Variants in SH3PXD2A observed in about 807,000 individuals in gnomAD.
SH3PXD2A encodes SH3 and PX domain-containing protein 2A.
A neutral mutation model predicts 115.2 loss-of-function variants in SH3PXD2A; 32 were observed. The observed-to-expected ratio is 0.28, with a 90% CI of 0.21 to 0.37. The LOEUF is 0.37. SH3PXD2A is among the 10% of genes least tolerant of loss of function. The pLI, the probability that SH3PXD2A is intolerant of heterozygous loss-of-function variation, is 1.00. For missense variants in SH3PXD2A, 1,328 were observed against 1,498.7 expected (o/e 0.89, Z 1.88); for synonymous variants, 610 against 629.1 (o/e 0.97, Z 0.45).
rs1022018904 is a variant in SH3PXD2A at position 103,597,233 on chromosome 10, C to G, written c.*4583G>C. On this transcript the variant is annotated 3_prime_UTR_variant, in exon 15 of 15. Transcript: ENST00000369774. ...GCTGCAGGCTTGTGGGAATTGGTGTCTCACCAGGGTGTGCGCGGCTCAAGG... is the reference window on the plus strand; with the variant it reads ...GCTGCAGGCTTGTGGGAATTGGTGTGTCACCAGGGTGTGCGCGGCTCAAGG... 6.6e-6 allele frequency: 1 copy of G among 152,664 alleles called. No individual in the cohort carries two copies. Among genetic ancestry groups the G allele is most frequent in the Non-Finnish European group, 1.5e-5 (1 of 68,070 alleles). The allele number at this position is 152,664 out of a possible 1,614,324, so 9.5% of individuals were successfully genotyped here.
At chr10:103,706,417 G>T (rs1214112058) in intron 5 of SH3PXD2A, among the ~76,000 whole-genome samples, 1 of 152,170 alleles carries the variant, frequency 6.6e-6, no homozygotes, top group Non-Finnish European at 1.5e-5. Context: ...GCTGTCCTGG[G>T]CCCCAGCTCC....
At chr10:103,710,605 A>G (rs942760909) in intron 5 of SH3PXD2A, among the ~76,000 whole-genome samples, 1 of 152,168 alleles carries the variant, frequency 6.6e-6, no homozygotes, top group Non-Finnish European at 1.5e-5. Context: ...GATATGGTAG[A>G]TGCCTGGCAG....
At chr10:103,718,348 T>G (rs984356763) in intron 5 of SH3PXD2A, among the ~76,000 whole-genome samples, 6 of 152,150 alleles carry the variant, frequency 3.9e-5, no homozygotes, top group Non-Finnish European at 8.8e-5. Context: ...TTCTTTGGGA[T>G]TTGGTGACCA....
At chr10:103,722,740 C>G (rs1328840438) in intron 5 of SH3PXD2A, among the ~76,000 whole-genome samples, 1 of 152,056 alleles carries the variant, frequency 6.6e-6, no homozygotes, top group Non-Finnish European at 1.5e-5. Flanking sequence ...CTGGACATTA[C>G]ACAGCTAGTA....
At chr10:103,785,583 G>A (rs1254982826) in intron 2 of SH3PXD2A, among the ~76,000 whole-genome samples, 2 of 152,100 alleles carry the variant, frequency 1.3e-5, no homozygotes, top group African/African-American at 4.8e-5. Context: ...TGGCCATCAC[G>A]GCTGCCCACA....
intron 3 of SH3PXD2A, among the ~76,000 whole-genome samples, chr10:103,758,147 G>A (rs375272494): frequency 5.3e-5 from 8 of 152,364 alleles, no homozygotes; most frequent in African/African-American, 1.4e-4. Flanking sequence ...ACACACAGGT[G>A]GAGCCGCTCT....
At chr10:103,842,981 A>G (rs1228164676) in intron 1 of SH3PXD2A, among the ~76,000 whole-genome samples, 2 of 152,210 alleles carry the variant, frequency 1.3e-5, no homozygotes, top group Non-Finnish European at 2.9e-5. Flanking sequence ...TAGACTGGAA[A>G]TGTCATTTTA....
chr10:103,763,592 T>C (rs1338449969), intron 3 of SH3PXD2A, among the ~76,000 whole-genome samples: 1 of 152,194 alleles, frequency 6.6e-6, no homozygotes. Flanking sequence ...ACACCCTCCC[T>C]AGAGGCAAGG....
At chr10:103,642,601 T>C (rs1273153888) in intron 8 of SH3PXD2A, among the ~76,000 whole-genome samples, 3 of 152,172 alleles carry the variant, frequency 2.0e-5, no homozygotes, top group African/African-American at 7.2e-5. Context: ...TAAGTTCTCA[T>C]TGGTGAGATG....
In SH3PXD2A at chr10:103,597,945, G is replaced by A. The variant is rs926206540; in HGVS notation, c.*3871C>T. ...CCAAACCAAGGTCTAAACTTAAATA[G>A]TCCTACACCTATTCTGCAAACACTA... On this transcript the variant is annotated 3_prime_UTR_variant, in exon 15 of 15. Transcript: ENST00000369774. 5 of 152,304 alleles carry A rather than the reference G, an allele frequency of 3.3e-5. No individual in the cohort carries two copies. The highest frequency in any genetic ancestry group is 1.2e-4 in the African/African-American group (5 of 41,412). The allele number at this position is 152,304 out of a possible 1,614,324, so 9.4% of individuals were successfully genotyped here.
chr10:103,803,613 C>A (rs2039168121), intron 1 of SH3PXD2A, among the ~76,000 whole-genome samples: 1 of 152,100 alleles, frequency 6.6e-6, no homozygotes, highest in African/African-American at 2.4e-5. Context: ...AGATTTGAAC[C>A]CAGGTCTAGC....
At chr10:103,699,610 GT>G (rs990664688) in intron 5 of SH3PXD2A, among the ~76,000 whole-genome samples, 14 of 152,156 alleles carry the variant, frequency 9.2e-5, no homozygotes, top group East Asian at 1.9e-4. Flanking sequence ...GAGAGTTGGG[GT>G]TTTTTTTCCA....
chr10:103,697,711 G>A (rs2037841388), intron 5 of SH3PXD2A, among the ~76,000 whole-genome samples: 1 of 152,188 alleles, frequency 6.6e-6, no homozygotes. Context: ...GACCCGAAAG[G>A]GTTTTTCTTT....
chr10:103,726,904 G>A (rs543305712), intron 4 of SH3PXD2A, among the ~76,000 whole-genome samples: 1 of 152,286 alleles, frequency 6.6e-6, no homozygotes, highest in Admixed American at 6.5e-5. Context: ...ATTCCTTTCA[G>A]GGGTCATGGC....
chr10:103,668,613 AC>A lies in SH3PXD2A; in HGVS notation c.466del (p.Val156Ter). On this transcript the variant is annotated frameshift_variant, in exon 7 of 15. Coordinates refer to ENST00000369774, the MANE Select transcript of SH3PXD2A (RefSeq NM_001394015.1). LOFTEE classifies it high-confidence loss of function. ...SSWAESPKKD[V>X]TGADATAEPM... is the part of the protein sequence containing the mutation. ...GCATGCACGCTGGGCAGTACCTGTC[AC>A]GTCCTTCTTGGGCGACTCAGCCCAG... is the stretch of plus-strand genomic sequence containing the variant. The A allele has an allele frequency of 6.4e-7, 1 of 1,556,016 alleles. No individual in the cohort carries two copies. Among genetic ancestry groups the A allele is most frequent in the Non-Finnish European group, 8.7e-7 (1 of 1,149,492 alleles).
chr10:103,696,218 G>T (rs551594709), intron 5 of SH3PXD2A, among the ~76,000 whole-genome samples: 2 of 152,346 alleles, frequency 1.3e-5, no homozygotes, highest in South Asian at 4.1e-4. Context: ...TGGCCTGCCC[G>T]AGCAGGCGCT....
In SH3PXD2A at chr10:103,855,392, T is replaced by G; in HGVS notation, c.-126A>C. The G allele has an allele frequency of 1.6e-6, 1 of 623,268 alleles. No individual in the cohort carries two copies. 38.6% of individuals were successfully genotyped at this position (623,268 alleles called of 1,614,324 possible). A position where few individuals can be genotyped will look rare whatever the true frequency, so the allele number is the denominator to read the frequency against. The stretch of plus-strand genomic sequence containing the variant: ...CACCCCGGCCCGGCGCGCCGAACGC[T>G]GCCCGGACTCCCGGCGCCCACAGGT... On this transcript the variant is annotated 5_prime_UTR_variant, in exon 1 of 15. Transcript: ENST00000369774.
At position 103,763,314 on chromosome 10, in the gene SH3PXD2A, T is replaced by C. The variant is rs150556198; in HGVS notation, c.229+3780A>G. ...AACACTCCAAGCACATCCCGCAGAC[T>C]CCACACTTGGGCAACAGAAATGCTC... On this transcript the variant is annotated intron_variant, in intron 3 of 14. Coordinates refer to ENST00000369774, the MANE Select transcript of SH3PXD2A (RefSeq NM_001394015.1). 5.3e-3 allele frequency among the ~76,000 whole-genome samples: 802 copies of C among 152,272 alleles called. 5 individuals carry two copies. The highest frequency in any genetic ancestry group is 0.024 in the Middle Eastern group (7 of 294).
At chr10:103,626,946 C>T (rs992946054) in intron 9 of SH3PXD2A, 143 bp downstream of exon 9, 1 of 603,644 alleles carries the variant, frequency 1.7e-6, no homozygotes, top group Non-Finnish European at 3.0e-6. Flanking sequence ...TTTGGGCCAA[C>T]CTTACTGAGA....
Sources: gnomAD v4.1 joint callset for allele counts (sites outside exome capture counted in the v4.1 genomes callset) on GRCh38, gnomAD v4.1.1 for gene constraint, MANE v1.5 for transcripts, NCBI Gene and HGNC (gene_info 2026-07-23, HGNC 2026-07-21) for gene names.